Variants in ZNF143 observed in about 807,000 individuals in gnomAD.
ZNF143 encodes the protein SPH-binding factor.
In ZNF143, 49 loss-of-function variants were observed where a neutral mutation model predicts 74.1. The ratio of observed to expected loss-of-function variants is 0.66; its 90% confidence interval spans 0.53 to 0.84. The LOEUF (loss-of-function observed/expected upper bound fraction) is 0.84, where lower values mean the gene tolerates loss of function less well. Among genes scored for constraint, ZNF143 ranks in the 40% least tolerant of loss-of-function variants. ZNF143 has a pLI of 0.00. For synonymous variants in ZNF143, 304 were observed against 282.8 expected (o/e 1.07, Z -0.75); for missense variants, 637 against 793.4 (o/e 0.80, Z 2.37).
rs777285359 is a variant in ZNF143, at chr11:9,511,102, CTTTTTTTTTTT to C, written c.1376-1331_1376-1321del. 2.7e-3 allele frequency among the ~76,000 whole-genome samples: 189 copies of C among 70,806 alleles called. 1 individual carries two copies. Among genetic ancestry groups the C allele is most frequent in the Non-Finnish European group, 4.4e-3 (168 of 38,266 alleles). The allele number at this position is 70,806 out of a possible 152,430, so 46.5% of individuals were successfully genotyped here. On this transcript the variant is annotated intron_variant, in intron 12 of 15. Coordinates refer to ENST00000396602, the MANE Select transcript of ZNF143 (RefSeq NM_003442.6). ...TAGTCTTAACCACTTTTAACAGCTT[CTTTTTTTTTTT>C]TTTTTTTTTTTTTTGAGACGGAGTT...
At chr11:9,477,985 CCTG>C (rs1429429715) in intron 5 of ZNF143, among the ~76,000 whole-genome samples, 1 of 152,128 alleles carries the variant, frequency 6.6e-6, no homozygotes, top group Non-Finnish European at 1.5e-5. Flanking sequence ...GCCACCGTGC[CCTG>C]CTAAGTTTTT....
At position 9,525,241 on chromosome 11, in the gene ZNF143, T is replaced by C. The variant is rs1849081927; in HGVS notation, c.1688T>C (p.Val563Ala). ...VTAEGTEGEQ[V>A]AIVAQDLAAF... ...ATGGTTTGTTTTGTTTTGCTTAAGG[T>C]TGCAATTGTAGCTCAAGACTTGGCA... The change falls in exon 15 of 16, where the codon GTT becomes GCT. Residue 563 changes from valine (V) to alanine (A), a missense_variant and splice_region_variant. Physicochemically the swap from Val to Ala is moderately conservative, Grantham distance 64 (BLOSUM62 0). Coordinates refer to ENST00000396602, the MANE Select transcript of ZNF143 (RefSeq NM_003442.6). The C allele has an allele frequency of 6.2e-7, 1 of 1,614,012 alleles. No homozygotes were observed. Among genetic ancestry groups the C allele is most frequent in the Non-Finnish European group, 8.5e-7 (1 of 1,180,014 alleles).
intron 1 of ZNF143, among the ~76,000 whole-genome samples, chr11:9,465,326 A>G (rs573614932): frequency 9.3e-4 from 141 of 151,798 alleles, no homozygotes; most frequent in Middle Eastern, 3.4e-3. Flanking sequence ...AGCTGGGATT[A>G]CAGAAGCACG....
intron 7 of ZNF143, among the ~76,000 whole-genome samples, chr11:9,482,999 A>G (rs1847309414): frequency 6.6e-6 from 1 of 150,680 alleles, no homozygotes. Flanking sequence ...TATTATATTT[A>G]TTTATGTATT....
intron 1 of ZNF143, among the ~76,000 whole-genome samples, 161 bp downstream of exon 1, chr11:9,461,237 G>C (rs111805522): frequency 0.02 from 2,998 of 152,276 alleles, 97 homozygotes; most frequent in African/African-American, 0.067. Flanking sequence ...CGGTAGCGGC[G>C]TCTGGGCAGA....
intron 12 of ZNF143, among the ~76,000 whole-genome samples, chr11:9,510,752 T>C (rs1322678863): frequency 3.3e-5 from 5 of 152,194 alleles, no homozygotes; most frequent in Non-Finnish European, 7.4e-5. Context: ...TTTGCTCTCT[T>C]TCTGACTTCA....
chr11:9,476,903 G>C (rs2133900218), intron 5 of ZNF143, among the ~76,000 whole-genome samples: 1 of 150,758 alleles, frequency 6.6e-6, no homozygotes, highest in East Asian at 2.0e-4. Flanking sequence ...GGGACTACAG[G>C]CACCCACCAC....
intron 7 of ZNF143, 44 bp from the exon 8 acceptor site, chr11:9,494,602 T>G (rs773978610): frequency 1.3e-6 from 2 of 1,585,910 alleles, no homozygotes; most frequent in Non-Finnish European, 1.7e-6. Flanking sequence ...TGAGCCACTG[T>G]GCCTGGCTTA....
intron 7 of ZNF143, among the ~76,000 whole-genome samples, chr11:9,490,513 TG>T (rs1303764242): frequency 1.3e-5 from 2 of 151,924 alleles, no homozygotes; most frequent in African/African-American, 4.8e-5. Flanking sequence ...TTCCAACTCC[TG>T]GGCTCAAGTG....
In ZNF143 at chr11:9,472,562, A is replaced by G. The variant is rs1856643366; in HGVS notation, c.113-115A>G. 4 of 921,844 alleles carry G rather than the reference A, an allele frequency of 4.3e-6. No individual in the cohort carries two copies. In the African/African-American group the frequency reaches 5.1e-5, roughly 12 times the overall value. 57.1% of individuals were successfully genotyped at this position (921,844 alleles called of 1,614,324 possible). A position where few individuals can be genotyped will look rare whatever the true frequency, so the allele number is the denominator to read the frequency against. The stretch of plus-strand genomic sequence containing the variant: ...CCACTGCACCCGGCCGCTAAATCTC[A>G]TTTTGAGTCTGAGTTAAGCAGTTTA... On this transcript the variant is annotated intron_variant, in intron 2 of 15. Coordinates refer to ENST00000396602, the MANE Select transcript of ZNF143 (RefSeq NM_003442.6).
chr11:9,527,548 C>T lies in ZNF143; in HGVS notation c.1852C>T (p.Leu618=). ...GTTTCAGCTTGGAGAACAGCCATCT[C>T]TGGAAGAAGCCATCAGAATAGCGTC... is the stretch of plus-strand genomic sequence containing the variant. The part of the protein sequence containing the change: ...IAVQLGEQPS[L]EEAIRIASRI... The change falls in exon 16 of 16, where the codon CTG becomes TTG. Residue 618 remains leucine (L), a synonymous_variant. Coordinates refer to ENST00000396602, the MANE Select transcript of ZNF143 (RefSeq NM_003442.6). 1.2e-6 allele frequency: 2 copies of T among 1,614,082 alleles called. No individual in the cohort carries two copies. Among genetic ancestry groups the T allele is most frequent in the South Asian group, 2.2e-5 (2 of 91,090 alleles).
intron 7 of ZNF143, among the ~76,000 whole-genome samples, chr11:9,483,704 A>G (rs1343919804): frequency 1.3e-5 from 2 of 150,300 alleles, no homozygotes; most frequent in Non-Finnish European, 2.9e-5. Flanking sequence ...TTGACATTCC[A>G]AAGTCCTGGG....
rs577846572 is a variant in ZNF143, at chr11:9,468,045, A to G, written c.-7-3257A>G. Among the ~76,000 whole-genome samples, 76 of 152,240 alleles carry G rather than the reference A, an allele frequency of 5.0e-4. 3 individuals carry two copies. Among genetic ancestry groups the G allele is most frequent in the Middle Eastern group, 6.8e-3 (2 of 294 alleles). ...TTTGAAATAACATGCTTTTTAACAGAGCAGCATCAGAAATGGTGTTTGGAA... is the reference window on the plus strand; with the variant it reads ...TTTGAAATAACATGCTTTTTAACAGGGCAGCATCAGAAATGGTGTTTGGAA... On this transcript the variant is annotated intron_variant, in intron 1 of 15. Coordinates refer to ENST00000396602, the MANE Select transcript of ZNF143 (RefSeq NM_003442.6).
In ZNF143 at chr11:9,466,799, T is replaced by C. The variant is rs1217547116; in HGVS notation, c.-7-4503T>C. Reference sequence around the variant, plus strand: ...ATAAAATAGCTGACTGTTTTTAGACTGAAACGATGAGAATATGGTGCAGAG... The same window carrying C: ...ATAAAATAGCTGACTGTTTTTAGACCGAAACGATGAGAATATGGTGCAGAG... On this transcript the variant is annotated intron_variant, in intron 1 of 15. Coordinates refer to ENST00000396602, the MANE Select transcript of ZNF143 (RefSeq NM_003442.6). Among the ~76,000 whole-genome samples the C allele has an allele frequency of 2.6e-5, 4 of 152,240 alleles. No individual in the cohort carries two copies. The East Asian group carries it at 5.8e-4, about 22-fold the overall frequency.
chr11:9,501,023 A>G, intron 10 of ZNF143, 68 bp from the exon 11 acceptor site: 2 of 1,569,506 alleles, frequency 1.3e-6, no homozygotes, highest in Admixed American at 1.7e-5. Flanking sequence ...GGCAGGATTG[A>G]AGGATAAGAC....
intron 12 of ZNF143, among the ~76,000 whole-genome samples, chr11:9,510,156 G>A (rs1028295005): frequency 9.6e-5 from 14 of 145,410 alleles, no homozygotes; most frequent in Admixed American, 7.0e-5. Flanking sequence ...ATGGAGTCTC[G>A]CTCTGTTGCC....
At chr11:9,478,017 G>C (rs1847083170) in intron 5 of ZNF143, among the ~76,000 whole-genome samples, 2 of 152,094 alleles carry the variant, frequency 1.3e-5, no homozygotes, top group Non-Finnish European at 2.9e-5. Flanking sequence ...TAGTAGAGAG[G>C]GTGTTTCACC....
intron 10 of ZNF143, among the ~76,000 whole-genome samples, chr11:9,498,541 C>G (rs1332538737): frequency 6.6e-6 from 1 of 152,228 alleles, no homozygotes; most frequent in African/African-American, 2.4e-5. Flanking sequence ...ATTTCTCCTT[C>G]TCTTTAAATT....
At chr11:9,486,371 A>ATATAATATATATAAT (rs1477531952) in intron 7 of ZNF143, among the ~76,000 whole-genome samples, 3 of 36,712 alleles carry the variant, frequency 8.2e-5, no homozygotes, top group African/African-American at 3.8e-4. Flanking sequence ...TATTATATAT[A>ATATAATATATATAAT]ATATATTATA....
Sources: gnomAD v4.1 joint callset for allele counts (sites outside exome capture counted in the v4.1 genomes callset) on GRCh38, gnomAD v4.1.1 for gene constraint, MANE v1.5 for transcripts, NCBI Gene and HGNC (gene_info 2026-07-23, HGNC 2026-07-21) for gene names.